DLG2: variants seen among roughly 807,000 people sequenced by gnomAD.
DLG2 encodes discs large MAGUK scaffold protein 2, also known as disks large homolog 2.
DLG2 carries 45 observed loss-of-function variants against 132.5 expected under a neutral mutation model. That is an observed-to-expected ratio of 0.34 (90% CI 0.27 to 0.44). The LOEUF (loss-of-function observed/expected upper bound fraction) is 0.44. Among genes scored for constraint, DLG2 ranks in the 20% least tolerant of loss-of-function variants. The pLI, the probability that DLG2 is intolerant of heterozygous loss-of-function variation, is 1.00. For synonymous variants in DLG2, 424 were observed against 419.6 expected (o/e 1.01, Z -0.13); for missense variants, 1,045 against 1,196.9 (o/e 0.87, Z 1.87).
chr11:85,078,797 A>G (rs2066877208), intron 6 of DLG2, among the ~76,000 whole-genome samples: 1 of 152,102 alleles, frequency 6.6e-6, no homozygotes, highest in Non-Finnish European at 1.5e-5. Context: ...TTGTCAACAT[A>G]AAAATTATTG....
intron 9 of DLG2, among the ~76,000 whole-genome samples, chr11:84,142,447 G>A (rs1053436249): frequency 6.6e-6 from 1 of 152,074 alleles, no homozygotes; most frequent in Non-Finnish European, 1.5e-5. Flanking sequence ...AACACATCAC[G>A]ATGAAGTCTT....
intron 6 of DLG2, among the ~76,000 whole-genome samples, chr11:84,938,144 C>A (rs181893740): frequency 6.6e-6 from 1 of 152,276 alleles, no homozygotes; most frequent in Admixed American, 6.5e-5. Flanking sequence ...AATTAAGTAA[C>A]TTCTACAAAG....
At chr11:83,924,379 C>T (rs1374196373) in intron 15 of DLG2, among the ~76,000 whole-genome samples, 1 of 152,086 alleles carries the variant, frequency 6.6e-6, no homozygotes, top group Non-Finnish European at 1.5e-5. Flanking sequence ...TTTAAAAACT[C>T]ATTTAAGGGA....
At chr11:85,118,232 G>T (rs1013052114) in intron 5 of DLG2, among the ~76,000 whole-genome samples, 12 of 152,034 alleles carry the variant, frequency 7.9e-5, no homozygotes, top group Admixed American at 7.2e-4. Context: ...TCATGAATTT[G>T]CCTCTTTTGT....
chr11:85,042,205 A>G (rs576777790), intron 6 of DLG2, among the ~76,000 whole-genome samples: 6 of 152,026 alleles, frequency 3.9e-5, no homozygotes, highest in Admixed American at 2.6e-4. Flanking sequence ...AAAGAGATCT[A>G]TATGTCAGCT....
intron 7 of DLG2, among the ~76,000 whole-genome samples, chr11:84,390,999 C>T (rs763350135): frequency 1.3e-5 from 2 of 152,078 alleles, no homozygotes; most frequent in Non-Finnish European, 2.9e-5. Context: ...CCTGAAACTG[C>T]TTATGCTAAT....
intron 8 of DLG2, among the ~76,000 whole-genome samples, chr11:84,197,608 T>G (rs1406194050): frequency 6.6e-6 from 1 of 152,214 alleles, no homozygotes; most frequent in African/African-American, 2.4e-5. Flanking sequence ...CAGAAGGTAT[T>G]TGAATGCTAT....
At chr11:85,167,363 TAC>T (rs1338187260) in intron 4 of DLG2, among the ~76,000 whole-genome samples, 3 of 152,112 alleles carry the variant, frequency 2.0e-5, no homozygotes, top group African/African-American at 7.2e-5. Context: ...TGTTACAAAC[TAC>T]AGAGGTATGA....
At chr11:85,503,719 T>C (rs939612492) in intron 3 of DLG2, among the ~76,000 whole-genome samples, 3 of 151,802 alleles carry the variant, frequency 2.0e-5, no homozygotes, top group East Asian at 1.9e-4. Context: ...ACAGATTGAG[T>C]TCAGGAGTTC....
At chr11:85,396,365 T>C (rs1300151441) in intron 3 of DLG2, among the ~76,000 whole-genome samples, 17 of 152,064 alleles carry the variant, frequency 1.1e-4, no homozygotes, top group Non-Finnish European at 8.8e-5. Flanking sequence ...AGAGCACCTC[T>C]TTTCCTCCAA....
chr11:84,830,635 A>T (rs935241472), intron 6 of DLG2, among the ~76,000 whole-genome samples: 2 of 151,488 alleles, frequency 1.3e-5, no homozygotes, highest in Admixed American at 1.3e-4. Context: ...CTGGGTCAGG[A>T]GGAAGAAGCT....
intron 6 of DLG2, among the ~76,000 whole-genome samples, chr11:84,785,534 T>C (rs908698491): frequency 2.0e-5 from 3 of 152,146 alleles, no homozygotes; most frequent in Admixed American, 6.5e-5. Context: ...TCCTTCATAA[T>C]TGATTAGGTA....
At chr11:84,013,127 T>C (rs937553223) in intron 11 of DLG2, among the ~76,000 whole-genome samples, 11 of 152,118 alleles carry the variant, frequency 7.2e-5, no homozygotes, top group African/African-American at 4.8e-5. Context: ...CCTCCAGAAA[T>C]GAAGTAATTT....
At chr11:84,524,457 T>C (rs1591535663) in intron 7 of DLG2, among the ~76,000 whole-genome samples, 1 of 152,248 alleles carries the variant, frequency 6.6e-6, no homozygotes, top group African/African-American at 2.4e-5. Flanking sequence ...TCAGAATGCG[T>C]CTGTCAAGGC....
At chr11:84,074,624 G>A (rs1332969198) in intron 10 of DLG2, among the ~76,000 whole-genome samples, 1 of 151,288 alleles carries the variant, frequency 6.6e-6, no homozygotes, top group Non-Finnish European at 1.5e-5. Context: ...CGCCTCCCGG[G>A]TTCACGCCAT....
At chr11:83,977,396 C>T (rs2092367622) in intron 12 of DLG2, among the ~76,000 whole-genome samples, 1 of 151,990 alleles carries the variant, frequency 6.6e-6, no homozygotes, top group Admixed American at 6.6e-5. Context: ...TCAGTTGCCT[C>T]CACCTTATAT....
At chr11:84,711,009 G>GATATATATATATATATATAGATATAT (rs2060330269) in intron 6 of DLG2, among the ~76,000 whole-genome samples, 4 of 89,092 alleles carry the variant, frequency 4.5e-5, no homozygotes, top group African/African-American at 1.9e-4. Flanking sequence ...TATATATATA[G>GATATATATATATATATATAGATATAT]ATATATATAT....
intron 2 of DLG2, among the ~76,000 whole-genome samples, chr11:85,604,767 T>G (rs1159256727): frequency 1.3e-5 from 2 of 152,190 alleles, no homozygotes; most frequent in Admixed American, 1.3e-4. Flanking sequence ...GTTACATAAT[T>G]AGAACTGTAG....
chr11:85,599,269 C>T (rs892821218), intron 2 of DLG2, among the ~76,000 whole-genome samples: 1 of 152,112 alleles, frequency 6.6e-6, no homozygotes, highest in Non-Finnish European at 1.5e-5. Context: ...TTTTCCTCTA[C>T]ACGCATGCAT....
Sources: allele counts gnomAD v4.1 joint callset (sites outside exome capture counted in the v4.1 genomes callset), GRCh38; gene constraint gnomAD v4.1.1; transcripts MANE v1.5; gene names NCBI Gene and HGNC (gene_info 2026-07-23, HGNC 2026-07-21).